THSD4: variants seen among roughly 807,000 people sequenced by gnomAD.
THSD4 encodes the protein thrombospondin type 1 domain containing 4, also known as thrombospondin type-1 domain-containing protein 4.
In THSD4, 69 loss-of-function variants were observed where a neutral mutation model predicts 119.0. The ratio of observed to expected loss-of-function variants is 0.58; its 90% CI spans 0.48 to 0.71. THSD4 has a LOEUF of 0.71. Among genes scored for constraint, THSD4 ranks in the 30% least tolerant of loss-of-function variants. The probability of loss-of-function intolerance (pLI) is 0.00; values close to 1 mark genes in which losing one functional copy is unlikely to be tolerated. For missense variants in THSD4, 1,393 were observed against 1,391.1 expected (o/e 1.00, Z -0.02); for synonymous variants, 524 against 540.4 (o/e 0.97, Z 0.42).
chr15:71,558,258 G>A (rs183575727), intron 7 of THSD4, among the ~76,000 whole-genome samples: 11 of 152,300 alleles, frequency 7.2e-5, no homozygotes, highest in African/African-American at 2.2e-4. Flanking sequence ...AACCCAGGAG[G>A]TGGAGGTTGC....
chr15:71,565,847 T>C (rs2140889571), intron 7 of THSD4, among the ~76,000 whole-genome samples: 1 of 152,236 alleles, frequency 6.6e-6, no homozygotes, highest in East Asian at 1.9e-4. Context: ...AGCAAGGGAA[T>C]CATTAAGGGT....
intron 8 of THSD4, among the ~76,000 whole-genome samples, chr15:71,720,654 CCACATTAGCTAA>C: frequency 6.6e-6 from 1 of 152,276 alleles, no homozygotes; most frequent in East Asian, 1.9e-4. Flanking sequence ...TTCAGGGTAT[CCACATTAGCTAA>C]CACATTCTGA....
At chr15:71,349,616 T>A (rs1345219602) in intron 6 of THSD4, among the ~76,000 whole-genome samples, 1 of 152,160 alleles carries the variant, frequency 6.6e-6, no homozygotes, top group Non-Finnish European at 1.5e-5. Context: ...ATTCCCATTG[T>A]CTCTTCACTG....
At chr15:71,705,015 G>A (rs1420394442) in intron 8 of THSD4, among the ~76,000 whole-genome samples, 3 of 152,188 alleles carry the variant, frequency 2.0e-5, no homozygotes, top group African/African-American at 7.2e-5. Context: ...GGGTGGAGGA[G>A]GTGTAGAGGA....
chr15:71,162,055 A>G (rs1372724444), intron 3 of THSD4, among the ~76,000 whole-genome samples: 8 of 151,990 alleles, frequency 5.3e-5, no homozygotes. Flanking sequence ...TGGTTGCCTT[A>G]ATTTACATCT....
intron 6 of THSD4, among the ~76,000 whole-genome samples, chr15:71,329,445 G>C (rs1018541244): frequency 6.6e-6 from 1 of 152,176 alleles, no homozygotes; most frequent in Non-Finnish European, 1.5e-5. Flanking sequence ...CTTCTAGAAG[G>C]TTCTTTTAGG....
At chr15:71,514,760 A>G (rs1302127500) in intron 7 of THSD4, among the ~76,000 whole-genome samples, 1 of 152,242 alleles carries the variant, frequency 6.6e-6, no homozygotes, top group East Asian at 1.9e-4. Flanking sequence ...GTAAATAAAA[A>G]CATTTTAAAC....
chr15:71,246,624 A>G (rs2044203486), intron 5 of THSD4, among the ~76,000 whole-genome samples: 1 of 152,234 alleles, frequency 6.6e-6, no homozygotes. Flanking sequence ...GACCTATCTT[A>G]TGGTGTGATC....
intron 6 of THSD4, among the ~76,000 whole-genome samples, chr15:71,263,821 A>C (rs948017516): frequency 3.2e-4 from 49 of 152,254 alleles, no homozygotes; most frequent in African/African-American, 1.2e-3. Context: ...ATGTGCTCAA[A>C]GGAGGAGAAA....
chr15:71,121,236 C>T (rs1020993464), intron 1 of THSD4, among the ~76,000 whole-genome samples: 1 of 152,208 alleles, frequency 6.6e-6, no homozygotes, highest in South Asian at 2.1e-4. Context: ...GAGTTTGAGC[C>T]TTGGCTCTAC....
chr15:71,423,171 G>A (rs924588878), intron 7 of THSD4, among the ~76,000 whole-genome samples: 1 of 152,104 alleles, frequency 6.6e-6, no homozygotes, highest in Admixed American at 6.5e-5. Context: ...AGCCCACTTG[G>A]TACTGTACTC....
rs1294838471 is a variant in THSD4, at chr15:71,779,681, T to G, written c.*2307T>G. The G allele has an allele frequency of 6.6e-6, 1 of 152,186 alleles. No individual in the cohort carries two copies. The highest frequency in any genetic ancestry group is 1.9e-4 in the East Asian group (1 of 5,176). 9.4% of individuals were successfully genotyped at this position (152,186 alleles called of 1,614,324 possible). On this transcript the variant is annotated 3_prime_UTR_variant, in exon 18 of 18. Transcript: ENST00000261862. ...GCTGGGTCAGTGATGGCTTTGTCTC[T>G]TTATGTCTAAAGTGCCCTATGGCTG...
rs186765897 is a variant in THSD4 at position 71,767,359 on chromosome 15, T to C, written c.2769+2160T>C. On this transcript the variant is annotated intron_variant, in intron 16 of 17. Coordinates refer to ENST00000261862, the MANE Select transcript of THSD4 (RefSeq NM_024817.3). ...TTTCTAGTTGGTGGCATCAGCACTA[T>C]TGCAAGTGACTTGAATACATAGTAA... 15 of 152,324 alleles carry C rather than the reference T, an allele frequency of 9.8e-5. No homozygotes were observed. In the South Asian group the frequency reaches 2.1e-3, roughly 21 times the overall value. 9.4% of individuals were successfully genotyped at this position (152,324 alleles called of 1,614,324 possible).
At chr15:71,453,548 A>G (rs1170041331) in intron 7 of THSD4, among the ~76,000 whole-genome samples, 2 of 152,192 alleles carry the variant, frequency 1.3e-5, no homozygotes, top group Non-Finnish European at 2.9e-5. Flanking sequence ...ATTTAGTACT[A>G]TACCTGTAAA....
chr15:71,569,228 C>T (rs774592250), intron 7 of THSD4, among the ~76,000 whole-genome samples: 24 of 152,012 alleles, frequency 1.6e-4, no homozygotes, highest in Non-Finnish European at 1.3e-4. Context: ...CTGACCCACA[C>T]GGAGGCTTTC....
chr15:71,514,172 C>G (rs909217945), intron 7 of THSD4, among the ~76,000 whole-genome samples: 2 of 152,118 alleles, frequency 1.3e-5, no homozygotes, highest in African/African-American at 2.4e-5. Context: ...TGAGGAAGAA[C>G]GAGGCACAGC....
At chr15:71,328,905 G>T (rs1194920362) in intron 6 of THSD4, among the ~76,000 whole-genome samples, 1 of 152,202 alleles carries the variant, frequency 6.6e-6, no homozygotes, top group Non-Finnish European at 1.5e-5. Flanking sequence ...GCCCGTGCTT[G>T]CTGGGCCTCA....
rs1276735550 is a variant in THSD4 at position 71,770,204 on chromosome 15, C to T, written c.2770-860C>T. Among the ~76,000 whole-genome samples the T allele has an allele frequency of 1.0e-3, 132 of 127,286 alleles. 1 individual carries two copies. The highest frequency in any genetic ancestry group is 4.1e-3 in the Middle Eastern group (1 of 246). The allele number at this position is 127,286 out of a possible 152,430, so 83.5% of individuals were successfully genotyped here. ...CAGAGGTTGTTGTGAGCTGAGATTGCACTATTGCACTCCAGCCTGGGCAAC... is the reference window on the plus strand; with the variant it reads ...CAGAGGTTGTTGTGAGCTGAGATTGTACTATTGCACTCCAGCCTGGGCAAC... On this transcript the variant is annotated intron_variant, in intron 16 of 17. Transcript: ENST00000261862.
At chr15:71,553,547 G>C (rs1353703938) in intron 7 of THSD4, among the ~76,000 whole-genome samples, 6 of 151,904 alleles carry the variant, frequency 3.9e-5, no homozygotes, top group Non-Finnish European at 7.4e-5. Flanking sequence ...GGCTGGTCTC[G>C]AGCTCCTGAC....
Sources: allele counts gnomAD v4.1 joint callset (sites outside exome capture counted in the v4.1 genomes callset), GRCh38; gene constraint gnomAD v4.1.1; transcripts MANE v1.5; gene names NCBI Gene and HGNC (gene_info 2026-07-23, HGNC 2026-07-21).